The following RAB3IP variants were observed in gnomAD, a reference collection of about 807,000 sequenced individuals.
RAB3IP encodes the protein rab-3A-interacting protein.
In RAB3IP, 36 loss-of-function variants were observed where a neutral mutation model predicts 59.1. That is an observed-to-expected ratio of 0.61 (90% CI 0.47 to 0.80). The LOEUF is 0.80. RAB3IP is among the 30% of genes least tolerant of loss of function. The pLI is 0.00. For synonymous variants in RAB3IP, 207 were observed against 191.2 expected, an observed-to-expected ratio of 1.08 and a Z score of -0.68; for missense variants, 511 against 536.0, an observed-to-expected ratio of 0.95 and a Z score of 0.46.
intron 4 of RAB3IP, among the ~76,000 whole-genome samples, chr12:69,793,896 ACT>A (rs1342529940): frequency 6.6e-6 from 1 of 152,170 alleles, no homozygotes; most frequent in Admixed American, 6.5e-5. Flanking sequence ...GAAGATTAAA[ACT>A]CTATTAAAGG....
chr12:69,793,471 C>T (rs1339363003), intron 4 of RAB3IP, among the ~76,000 whole-genome samples: 5 of 152,104 alleles, frequency 3.3e-5, no homozygotes, highest in African/African-American at 4.8e-5. Context: ...TCATTTCCTT[C>T]CTTCCTCTGA....
In RAB3IP at chr12:69,820,125, G is replaced by T. The variant is rs1881543808; in HGVS notation, c.*4679G>T. The T allele has an allele frequency of 6.6e-6, 1 of 152,098 alleles. No homozygotes were observed. Among genetic ancestry groups the T allele is most frequent in the Non-Finnish European group, 1.5e-5 (1 of 68,044 alleles). 9.4% of individuals were successfully genotyped at this position (152,098 alleles called of 1,614,324 possible). On this transcript the variant is annotated 3_prime_UTR_variant, in exon 11 of 11. Transcript: ENST00000247833. ...GTTTTTGTTGTTGCATTTTTCCCTA[G>T]ATAAAATGTTTTTTCTATAAGACAC...
At chr12:69,787,573 C>G (rs923484238) in intron 4 of RAB3IP, among the ~76,000 whole-genome samples, 4 of 152,114 alleles carry the variant, frequency 2.6e-5, no homozygotes, top group African/African-American at 9.7e-5. Flanking sequence ...AATGGCATTT[C>G]TCTTTGTGTC....
At position 69,800,199 on chromosome 12, in the gene RAB3IP, G is replaced by T; in HGVS notation, c.889-10G>T. ...AAAACATGTTTTTGTGTTTTCCTTT[G>T]GTTTGTTAGGCTGACTTATCCTTGT... On this transcript the variant is annotated splice_polypyrimidine_tract_variant and intron_variant, in intron 6 of 10. Transcript: ENST00000247833. 3 of 1,504,378 alleles carry T rather than the reference G, an allele frequency of 2.0e-6. No homozygotes were observed. Among genetic ancestry groups the T allele is most frequent in the South Asian group, 2.8e-5 (2 of 72,400 alleles). The allele number at this position is 1,504,378 out of a possible 1,614,324, so 93.2% of individuals were successfully genotyped here.
rs753009091 is a variant in RAB3IP at position 69,812,847 on chromosome 12, T to C, written c.1200T>C (p.Tyr400=). ...HRIKLGDSSN[Y]YYISPFCRYR... ...TTAAATTAGGGGACTCAAGCAACTATTATTATATTTCTCCTTTTTGCAGAT... is the reference window on the plus strand; with the variant it reads ...TTAAATTAGGGGACTCAAGCAACTACTATTATATTTCTCCTTTTTGCAGAT... Residue 400 remains tyrosine, a synonymous_variant, in exon 9 of 11, where the codon TAT becomes TAC. Transcript: ENST00000247833. 3 of 1,612,998 alleles carry C rather than the reference T, an allele frequency of 1.9e-6. No homozygotes were observed. Among genetic ancestry groups the C allele is most frequent in the East Asian group, 2.2e-5 (1 of 44,862 alleles).
At chr12:69,760,794 C>A (rs1012012212) in intron 3 of RAB3IP, among the ~76,000 whole-genome samples, 1 of 152,134 alleles carries the variant, frequency 6.6e-6, no homozygotes, top group South Asian at 2.1e-4. Flanking sequence ...TGTTCCTCTG[C>A]GTATTAGGTC....
intron 8 of RAB3IP, among the ~76,000 whole-genome samples, chr12:69,810,560 G>T (rs889143209): frequency 1.3e-5 from 2 of 152,140 alleles, no homozygotes; most frequent in African/African-American, 4.8e-5. Flanking sequence ...AAGCATAAGG[G>T]TAATTTGGAT....
chr12:69,738,439 C>T (rs973521261), upstream of RAB3IP: 3 of 152,330 alleles, frequency 2.0e-5, no homozygotes, highest in African/African-American at 7.2e-5. Context: ...GCCACACACA[C>T]ACACGTCGTA....
In RAB3IP at chr12:69,822,600, C is replaced by G. The variant is rs1413705725; in HGVS notation, c.*7154C>G. ...TAAAAATCTATAGAAGGAATATGAT[C>G]TGTTGTTTGGTAGCACAATAGGGTA... On this transcript the variant is annotated 3_prime_UTR_variant, in exon 11 of 11. Transcript: ENST00000247833. The G allele has an allele frequency of 6.6e-6, 1 of 152,020 alleles. No individual in the cohort carries two copies. The highest frequency in any genetic ancestry group is 1.5e-5 in the Non-Finnish European group (1 of 68,020). 9.4% of individuals were successfully genotyped at this position (152,020 alleles called of 1,614,324 possible).
chr12:69,803,497 T>TA (rs1878719959), intron 8 of RAB3IP, among the ~76,000 whole-genome samples: 3 of 151,738 alleles, frequency 2.0e-5, no homozygotes, highest in Non-Finnish European at 4.4e-5. Context: ...TTTTTAATTT[T>TA]TTTATTATTA....
chr12:69,755,305 A>T, intron 1 of RAB3IP, 79 bp from the exon 2 acceptor site: 1 of 1,259,818 alleles, frequency 7.9e-7, no homozygotes, highest in South Asian at 1.5e-5. Flanking sequence ...TGTTAAACAC[A>T]TTTTATAATT....
intron 1 of RAB3IP, among the ~76,000 whole-genome samples, chr12:69,743,096 A>G (rs1193694101): frequency 6.6e-6 from 1 of 152,204 alleles, no homozygotes; most frequent in East Asian, 1.9e-4. Context: ...ATGAATTGAC[A>G]GCTTAGTATG....
chr12:69,808,403 A>G (rs1457905129), intron 8 of RAB3IP, among the ~76,000 whole-genome samples: 1 of 152,212 alleles, frequency 6.6e-6, no homozygotes, highest in African/African-American at 2.4e-5. Flanking sequence ...GATGTCTATT[A>G]GGTCTGCTTG....
rs1263122389 is a variant in RAB3IP, at chr12:69,819,686, T to C, written c.*4240T>C. 1 of 152,222 alleles carries C rather than the reference T, an allele frequency of 6.6e-6. No homozygotes were observed. The highest frequency in any genetic ancestry group is 1.5e-5 in the Non-Finnish European group (1 of 68,048). The allele number at this position is 152,222 out of a possible 1,614,324, so 9.4% of individuals were successfully genotyped here. ...AGAGTGTTTCTACGCTGAATTTAAT[T>C]GCCAAGATTACCAATTCTAAAGAAG... On this transcript the variant is annotated 3_prime_UTR_variant, in exon 11 of 11. Coordinates refer to ENST00000247833, the MANE Select transcript of RAB3IP (RefSeq NM_022456.5).
rs533220985 is a variant in RAB3IP, at chr12:69,786,575, A to G, written c.606+1760A>G. On this transcript the variant is annotated intron_variant, in intron 4 of 10. Transcript: ENST00000247833. ...TTCCAGTATTGTCTGACTGGAAGAA[A>G]ATTTTGTAGTGATATGGATATTAGG... 3.9e-3 allele frequency among the ~76,000 whole-genome samples: 589 copies of G among 152,226 alleles called. 7 individuals carry two copies. The highest frequency in any genetic ancestry group is 0.013 in the African/African-American group (555 of 41,544).
chr12:69,792,713 A>G (rs925796293), intron 4 of RAB3IP, among the ~76,000 whole-genome samples: 3 of 152,148 alleles, frequency 2.0e-5, no homozygotes, highest in African/African-American at 7.2e-5. Flanking sequence ...TGGGGCTCCA[A>G]TTATATGTAT....
intron 1 of RAB3IP, among the ~76,000 whole-genome samples, chr12:69,742,792 C>G (rs759881221): frequency 5.3e-5 from 8 of 152,146 alleles, no homozygotes; most frequent in Non-Finnish European, 1.2e-4. Flanking sequence ...TTCTGCTTTC[C>G]TTTTCAACTT....
intron 3 of RAB3IP, among the ~76,000 whole-genome samples, chr12:69,780,212 C>T (rs1874448062): frequency 1.3e-5 from 2 of 152,214 alleles, no homozygotes; most frequent in South Asian, 4.1e-4. Context: ...GCATGTTTCC[C>T]CGCAATTCCC....
chr12:69,739,678 C>T (rs1043172206), intron 1 of RAB3IP: 3 of 675,196 alleles, frequency 4.4e-6, no homozygotes, highest in Non-Finnish European at 7.7e-6. Flanking sequence ...CTCCGTGCCG[C>T]CAGACTTGTG....
Sources: gnomAD v4.1 joint callset for allele counts (sites outside exome capture counted in the v4.1 genomes callset) on GRCh38, gnomAD v4.1.1 for gene constraint, MANE v1.5 for transcripts, NCBI Gene and HGNC (gene_info 2026-07-23, HGNC 2026-07-21) for gene names.